Variants in YWHAE observed in about 807,000 individuals in gnomAD.
YWHAE encodes 14-3-3 protein epsilon.
Under a neutral mutation model 30.1 loss-of-function variants are expected in YWHAE, and 4 were observed. That is an observed-to-expected ratio of 0.13 (90% CI 0.07 to 0.30). The LOEUF (loss-of-function observed/expected upper bound fraction) is 0.30. Among genes scored for constraint, YWHAE ranks in the 10% least tolerant of loss-of-function variants. YWHAE has a pLI of 1.00. For missense variants in YWHAE, 121 were observed against 315.9 expected, an observed-to-expected ratio of 0.38 and a Z score of 4.68; for synonymous variants, 118 against 111.8, an observed-to-expected ratio of 1.06 and a Z score of -0.35.
intron 1 of YWHAE, among the ~76,000 whole-genome samples, chr17:1,395,474 A>G (rs984930983): frequency 1.3e-5 from 2 of 152,136 alleles, no homozygotes; most frequent in Non-Finnish European, 2.9e-5. Context: ...GGTTGCAGTG[A>G]GCCAAGACCA....
intron 4 of YWHAE, among the ~76,000 whole-genome samples, chr17:1,356,216 A>AC (rs1567959079): frequency 7.2e-5 from 10 of 138,578 alleles, no homozygotes; most frequent in East Asian, 2.2e-4. Flanking sequence ...ACACACACAC[A>AC]AAATTAGCCG....
chr17:1,371,582 AAC>A (rs2073043535), intron 1 of YWHAE, among the ~76,000 whole-genome samples: 2 of 152,288 alleles, frequency 1.3e-5, no homozygotes, highest in African/African-American at 4.8e-5. Context: ...AAATTTTTCA[AAC>A]AGTCAATGAG....
intron 1 of YWHAE, among the ~76,000 whole-genome samples, chr17:1,374,529 C>A (rs576048105): frequency 6.6e-6 from 1 of 152,064 alleles, no homozygotes; most frequent in East Asian, 1.9e-4. Context: ...TCTACAGGAG[C>A]GGCACCGTTT....
chr17:1,385,599 T>C (rs1043577137), intron 1 of YWHAE, among the ~76,000 whole-genome samples: 6 of 151,856 alleles, frequency 4.0e-5, no homozygotes, highest in South Asian at 2.1e-4. Context: ...CCTGCATGTA[T>C]CAAAGAGTTA....
At chr17:1,397,592 A>T (rs1209090958) in intron 1 of YWHAE, among the ~76,000 whole-genome samples, 1 of 152,206 alleles carries the variant, frequency 6.6e-6, no homozygotes, top group African/African-American at 2.4e-5. Flanking sequence ...CTGGAAACCC[A>T]GCATTTGGGT....
intron 1 of YWHAE, among the ~76,000 whole-genome samples, chr17:1,368,086 A>C (rs776019587): frequency 5.9e-5 from 9 of 152,090 alleles, no homozygotes; most frequent in Non-Finnish European, 1.2e-4. Flanking sequence ...CCCCGTCTCT[A>C]CTAAAAATAT....
chr17:1,354,100 G>A (rs920767024), intron 5 of YWHAE, 111 bp downstream of exon 5: 47 of 1,352,162 alleles, frequency 3.5e-5, no homozygotes, highest in East Asian at 9.4e-5. Flanking sequence ...GAGGGCAGGC[G>A]GTGAATCTAA....
intron 1 of YWHAE, among the ~76,000 whole-genome samples, chr17:1,375,969 G>C (rs2073115834): frequency 6.6e-6 from 1 of 152,192 alleles, no homozygotes; most frequent in African/African-American, 2.4e-5. Context: ...TGTTCCAAAT[G>C]CTTCGCTGTA....
intron 1 of YWHAE, chr17:1,399,185 C>T (rs1423484786): frequency 1.3e-5 from 2 of 152,112 alleles, no homozygotes; most frequent in Non-Finnish European, 2.9e-5. Flanking sequence ...AGAGTCGTGG[C>T]CTCCTGGTTC....
chr17:1,391,805 A>AC (rs1722094509), intron 1 of YWHAE, among the ~76,000 whole-genome samples: 1 of 152,108 alleles, frequency 6.6e-6, no homozygotes, highest in African/African-American at 2.4e-5. Flanking sequence ...TCCCGTCTCC[A>AC]CAAAAAAAAA....
chr17:1,377,478 C>T, intron 1 of YWHAE, among the ~76,000 whole-genome samples: 1 of 152,252 alleles, frequency 6.6e-6, no homozygotes, highest in Non-Finnish European at 1.5e-5. Flanking sequence ...GGAAATGTGG[C>T]TCACACCTGT....
At chr17:1,393,683 G>A (rs2073422293) in intron 1 of YWHAE, among the ~76,000 whole-genome samples, 2 of 152,166 alleles carry the variant, frequency 1.3e-5, no homozygotes, top group African/African-American at 2.4e-5. Context: ...CGCCCACCTC[G>A]GCCTCCCACA....
At chr17:1,383,002 G>T (rs2073239245) in intron 1 of YWHAE, among the ~76,000 whole-genome samples, 1 of 151,064 alleles carries the variant, frequency 6.6e-6, no homozygotes, top group African/African-American at 2.4e-5. Flanking sequence ...TCCAGCCCAG[G>T]TGACAAAGCA....
At chr17:1,388,808 A>C (rs1378511965) in intron 1 of YWHAE, among the ~76,000 whole-genome samples, 1 of 152,200 alleles carries the variant, frequency 6.6e-6, no homozygotes, top group African/African-American at 2.4e-5. Context: ...ATGTGTTTCT[A>C]AAAATCTACA....
chr17:1,376,244 ACT>A (rs2073119636), intron 1 of YWHAE, among the ~76,000 whole-genome samples: 1 of 152,118 alleles, frequency 6.6e-6, no homozygotes, highest in Admixed American at 6.6e-5. Context: ...GGTTTCAGTG[ACT>A]CTACCAGAGA....
chr17:1,395,210 T>C (rs1022157913), intron 1 of YWHAE, among the ~76,000 whole-genome samples: 4 of 151,340 alleles, frequency 2.6e-5, no homozygotes, highest in East Asian at 1.9e-4. Context: ...CTGGCAAACA[T>C]GGTAAAACCC....
At chr17:1,378,151 C>T (rs189545707) in intron 1 of YWHAE, among the ~76,000 whole-genome samples, 7 of 152,170 alleles carry the variant, frequency 4.6e-5, no homozygotes, top group African/African-American at 1.2e-4. Flanking sequence ...ATTTACCTTG[C>T]GGATATTTTC....
intron 1 of YWHAE, among the ~76,000 whole-genome samples, chr17:1,396,946 G>C (rs1041323490): frequency 7.3e-6 from 1 of 136,406 alleles, no homozygotes; most frequent in Non-Finnish European, 1.5e-5. Context: ...TTGGAGACAA[G>C]AGTCTCGCTC....
At chr17:1,378,105 T>C (rs16945593) in intron 1 of YWHAE, among the ~76,000 whole-genome samples, 1 of 152,174 alleles carries the variant, frequency 6.6e-6, no homozygotes, top group South Asian at 2.1e-4. Flanking sequence ...TGCAAGTTTG[T>C]TGGAGAGAAA....
Sources: gnomAD v4.1 joint callset for allele counts (sites outside exome capture counted in the v4.1 genomes callset) on GRCh38, gnomAD v4.1.1 for gene constraint, MANE v1.5 for transcripts, NCBI Gene and HGNC (gene_info 2026-07-23, HGNC 2026-07-21) for gene names.